ACAP2: variants seen among roughly 807,000 people sequenced by gnomAD.
ACAP2 encodes ArfGAP with coiled-coil, ankyrin repeat and PH domains 2.
Under a neutral mutation model 115.8 loss-of-function variants are expected in ACAP2, and 39 were observed. That is an observed-to-expected ratio of 0.34 (90% CI 0.26 to 0.44). The LOEUF is 0.44. Among genes scored for constraint, ACAP2 ranks in the 20% least tolerant of loss-of-function variants. The pLI is 1.00. For synonymous variants in ACAP2, 289 were observed against 315.8 expected (o/e 0.92, Z 0.90); for missense variants, 662 against 927.6 (o/e 0.71, Z 3.72).
intron 14 of ACAP2, 125 bp downstream of exon 14, chr3:195,301,841 G>T (rs1436364262): frequency 1.6e-6 from 2 of 1,267,100 alleles, no homozygotes; most frequent in Non-Finnish European, 2.2e-6. Flanking sequence ...CTTCTTAAAA[G>T]GTACAAAGAT....
chr3:195,383,865 T>A (rs1734110872), intron 2 of ACAP2, among the ~76,000 whole-genome samples: 1 of 152,142 alleles, frequency 6.6e-6, no homozygotes, highest in Admixed American at 6.5e-5. Context: ...GATACATGTG[T>A]CTTAAACCCA....
chr3:195,373,023 A>G (rs1733277863), intron 4 of ACAP2, among the ~76,000 whole-genome samples: 1 of 150,208 alleles, frequency 6.7e-6, no homozygotes, highest in African/African-American at 2.5e-5. Context: ...GCCTAATGAT[A>G]AAAGTAAAAA....
At chr3:195,440,178 A>G (rs1291883640) in intron 1 of ACAP2, among the ~76,000 whole-genome samples, 1 of 152,170 alleles carries the variant, frequency 6.6e-6, no homozygotes, top group Admixed American at 6.5e-5. Flanking sequence ...CTGATTTTAA[A>G]CTGGTATTTA....
At chr3:195,356,231 G>C (rs960764887) in intron 4 of ACAP2, 3 of 455,914 alleles carry the variant, frequency 6.6e-6, no homozygotes, top group Non-Finnish European at 1.3e-5. Flanking sequence ...AAGCCGGAAC[G>C]CAGTGCTGCC....
intron 10 of ACAP2, among the ~76,000 whole-genome samples, chr3:195,315,359 G>C (rs61404269): frequency 0.012 from 1,757 of 152,256 alleles, 34 homozygotes; most frequent in African/African-American, 0.04. Flanking sequence ...AATTTTACTA[G>C]TGTTTTTGGC....
intron 2 of ACAP2, among the ~76,000 whole-genome samples, chr3:195,386,255 T>C (rs1315497911): frequency 3.3e-5 from 5 of 152,196 alleles, no homozygotes; most frequent in Non-Finnish European, 7.3e-5. Context: ...GAGTGACTGC[T>C]AATAGATACA....
At chr3:195,316,443 A>T (rs988759080) in intron 10 of ACAP2, among the ~76,000 whole-genome samples, 3 of 151,994 alleles carry the variant, frequency 2.0e-5, no homozygotes, top group Admixed American at 2.0e-4. Flanking sequence ...TGTCGCCCAG[A>T]CTGGAAGTGC....
rs778089863 is a variant in ACAP2, at chr3:195,336,984, A to G, written c.529-8T>C. ...TGATTGAAGAACATTAATCTGAGGG[A>G]AAACACACGTGGTTAATCACCCATG... On this transcript the variant is annotated splice_polypyrimidine_tract_variant and splice_region_variant and intron_variant, in intron 6 of 22. Transcript: ENST00000326793. 4 of 1,609,590 alleles carry G rather than the reference A, an allele frequency of 2.5e-6. No individual in the cohort carries two copies. Among genetic ancestry groups the G allele is most frequent in the Non-Finnish European group, 3.4e-6 (4 of 1,177,724 alleles).
chr3:195,294,700 G>C lies in ACAP2; in HGVS notation c.1765+19C>G, dbSNP rs1727532650. The C allele has an allele frequency of 6.9e-7, 1 of 1,439,280 alleles. No homozygotes were observed. Among genetic ancestry groups the C allele is most frequent in the African/African-American group, 1.4e-5 (1 of 70,682 alleles). 89.2% of individuals were successfully genotyped at this position (1,439,280 alleles called of 1,614,324 possible). ...CCAGCAAACAAAACCAATTAACATT[G>C]AGTTTCATCAGAACTCACCAGGCTC... is the stretch of plus-strand genomic sequence containing the variant. On this transcript the variant is annotated intron_variant, in intron 18 of 22. Coordinates refer to ENST00000326793, the MANE Select transcript of ACAP2 (RefSeq NM_012287.6).
intron 1 of ACAP2, among the ~76,000 whole-genome samples, chr3:195,422,934 A>G (rs759761709): frequency 1.3e-5 from 2 of 152,222 alleles, no homozygotes; most frequent in Non-Finnish European, 2.9e-5. Flanking sequence ...TAAAAGAAAC[A>G]GGAATGAACA....
At position 195,279,178 on chromosome 3, in the gene ACAP2, A is replaced by G; in HGVS notation, c.*150T>C. ...CCTACTACTAGATAACTATGTTTTA[A>G]TTTATAAATATATGAATGGGTACCT... On this transcript the variant is annotated 3_prime_UTR_variant, in exon 23 of 23. Transcript: ENST00000326793. 1.9e-6 allele frequency: 1 copy of G among 539,806 alleles called. No individual in the cohort carries two copies. 33.4% of individuals were successfully genotyped at this position (539,806 alleles called of 1,614,324 possible). A position where few individuals can be genotyped will look rare whatever the true frequency, so the allele number is the denominator to read the frequency against.
At position 195,307,280 on chromosome 3, in the gene ACAP2, A is replaced by G; in HGVS notation, c.953T>C (p.Val318Ala). ...TCGCTCTATGTCTTCACAATGTTTCACTGTGCAAAGCCTGAGGTCTTCAAC... is the reference window on the plus strand; with the variant it reads ...TCGCTCTATGTCTTCACAATGTTTCGCTGTGCAAAGCCTGAGGTCTTCAAC... ...VVVEDLRLCT[V>A]KHCEDIERRF... The change falls in exon 12 of 23, where the codon GTG becomes GCG. Residue 318 changes from valine to alanine, a missense_variant. Around this residue, in one of 3 missense-constraint regions of ACAP2, gnomAD observed 401 missense variants for 604.4 expected, o/e 0.66. Coordinates refer to ENST00000326793, the MANE Select transcript of ACAP2 (RefSeq NM_012287.6). The G allele has an allele frequency of 6.2e-7, 1 of 1,613,452 alleles. No individual in the cohort carries two copies. Among genetic ancestry groups the G allele is most frequent in the Non-Finnish European group, 8.5e-7 (1 of 1,179,572 alleles).
At chr3:195,424,671 C>T (rs914134946) in intron 1 of ACAP2, among the ~76,000 whole-genome samples, 1 of 151,538 alleles carries the variant, frequency 6.6e-6, no homozygotes, top group African/African-American at 2.4e-5. Flanking sequence ...ATAATCCCAC[C>T]TGGGGAGGCC....
chr3:195,385,610 G>A (rs1307831063), intron 2 of ACAP2, among the ~76,000 whole-genome samples: 3 of 151,910 alleles, frequency 2.0e-5, no homozygotes, highest in Non-Finnish European at 2.9e-5. Context: ...CCACCAAGCA[G>A]AAGAAGAGAC....
At chr3:195,366,762 A>G (rs1732752207) in intron 4 of ACAP2, among the ~76,000 whole-genome samples, 1 of 152,240 alleles carries the variant, frequency 6.6e-6, no homozygotes, top group South Asian at 2.1e-4. Flanking sequence ...CATGAAAGGC[A>G]GTTAAACCAC....
At chr3:195,297,407 C>G (rs1203381130) in intron 15 of ACAP2, 126 bp from the exon 16 acceptor site, 2 of 698,392 alleles carry the variant, frequency 2.9e-6, no homozygotes, top group Non-Finnish European at 4.6e-6. Flanking sequence ...GATGCTTATT[C>G]TACAAAGAAG....
chr3:195,352,495 A>G (rs1038558949), intron 4 of ACAP2, among the ~76,000 whole-genome samples: 1 of 152,222 alleles, frequency 6.6e-6, no homozygotes, highest in East Asian at 1.9e-4. Flanking sequence ...GCATAACACT[A>G]TCTTACAAAC....
intron 4 of ACAP2, among the ~76,000 whole-genome samples, chr3:195,376,529 C>A (rs886152616): frequency 5.9e-5 from 9 of 152,006 alleles, no homozygotes; most frequent in African/African-American, 1.9e-4. Context: ...GGAGAGAAAG[C>A]GAGACTCCAT....
intron 15 of ACAP2, 98 bp downstream of exon 15, chr3:195,301,477 T>C: frequency 1.1e-6 from 1 of 908,142 alleles, no homozygotes. Flanking sequence ...TAGCATACAT[T>C]GGTAGCATGA....
Sources: allele counts gnomAD v4.1 joint callset (sites outside exome capture counted in the v4.1 genomes callset), GRCh38; gene constraint gnomAD v4.1.1; regional missense constraint gnomAD v4.1.1; transcripts MANE v1.5; gene names NCBI Gene and HGNC (gene_info 2026-07-23, HGNC 2026-07-21).